The following DPP6 variants were observed in gnomAD, a reference collection of about 807,000 sequenced individuals.
DPP6 encodes the protein dipeptidyl peptidase like 6.
In DPP6, 69 loss-of-function variants were observed where a neutral mutation model predicts 122.6. That is an observed-to-expected ratio of 0.56 (90% CI 0.46 to 0.69). The LOEUF (loss-of-function observed/expected upper bound fraction) is 0.69, where lower values mean the gene tolerates loss of function less well. DPP6 is among the 30% of genes least tolerant of loss of function. DPP6 has a pLI of 0.00. For synonymous variants in DPP6, 418 were observed against 433.1 expected (o/e 0.97, Z 0.43); for missense variants, 928 against 1,116.9 (o/e 0.83, Z 2.41).
intron 22 of DPP6, among the ~76,000 whole-genome samples, chr7:154,886,777 G>T (rs192070538): frequency 1.3e-5 from 2 of 152,306 alleles, no homozygotes; most frequent in East Asian, 1.9e-4. Context: ...TGTGCTGGCC[G>T]AGCCCTGTAG....
the DPP6 span, among the ~76,000 whole-genome samples, chr7:153,845,630 T>G: frequency 2.0e-5 from 3 of 152,098 alleles, no homozygotes; most frequent in African/African-American, 2.4e-5. Context: ...TGCTTTTCAT[T>G]TATCTGTCAT....
At chr7:154,105,567 C>T (rs1223316769) in intron 1 of DPP6, among the ~76,000 whole-genome samples, 1 of 152,212 alleles carries the variant, frequency 6.6e-6, no homozygotes, top group Non-Finnish European at 1.5e-5. Context: ...CCACCCAAAT[C>T]TCATCTGAAT....
At chr7:154,163,000 C>G (rs1376556144) in intron 1 of DPP6, among the ~76,000 whole-genome samples, 2 of 148,906 alleles carry the variant, frequency 1.3e-5, no homozygotes, top group African/African-American at 5.0e-5. Context: ...GAGTGGAAGT[C>G]TACACTTGGA....
chr7:154,365,524 T>C (rs1033325254), intron 1 of DPP6, among the ~76,000 whole-genome samples: 24 of 152,316 alleles, frequency 1.6e-4, no homozygotes, highest in Admixed American at 1.4e-3. Context: ...CGTGTAACTA[T>C]GAGGTTCAGA....
chr7:154,434,778 G>T (rs1198302751), intron 1 of DPP6, among the ~76,000 whole-genome samples: 3 of 152,086 alleles, frequency 2.0e-5, no homozygotes, highest in African/African-American at 4.8e-5. Context: ...CTTGTTTGTT[G>T]TTGTTGCTTT....
chr7:154,694,255 G>T (rs572989580), intron 7 of DPP6, among the ~76,000 whole-genome samples: 4 of 152,156 alleles, frequency 2.6e-5, no homozygotes, highest in African/African-American at 9.7e-5. Flanking sequence ...CATCCCATTG[G>T]GGGTGGGATT....
chr7:154,448,266 G>C (rs1197677748), intron 2 of DPP6, among the ~76,000 whole-genome samples: 1 of 152,112 alleles, frequency 6.6e-6, no homozygotes, highest in Non-Finnish European at 1.5e-5. Context: ...AAAATCATTT[G>C]CATTTTTAGC....
Position 154,009,617 on chromosome 7 carries a change from C to T in DPP6, c.51+121883C>T, listed in dbSNP as rs552509751. Reference sequence around the variant, plus strand: ...CCACTCTTGTGTCCCTGCCATGGCTCACATTCAGTAATTAGATACCAGCTC... The same window carrying T: ...CCACTCTTGTGTCCCTGCCATGGCTTACATTCAGTAATTAGATACCAGCTC... On this transcript the variant is annotated intron_variant, in intron 1 of 25. Transcript: ENST00000404039. Among the ~76,000 whole-genome samples the T allele has an allele frequency of 2.1e-3, 326 of 152,048 alleles. 2 individuals are homozygous for T. Among genetic ancestry groups the T allele is most frequent in the African/African-American group, 7.6e-3 (316 of 41,354 alleles).
intron 23 of DPP6, 109 bp from the exon 24 acceptor site, chr7:154,889,163 A>G: frequency 1.4e-6 from 2 of 1,465,962 alleles, no homozygotes; most frequent in Non-Finnish European, 1.8e-6. Context: ...CCGGGAACTT[A>G]GTGTTTTCAA....
At chr7:154,023,724 C>G (rs1435118593) in intron 1 of DPP6, among the ~76,000 whole-genome samples, 1 of 152,070 alleles carries the variant, frequency 6.6e-6, no homozygotes, top group South Asian at 2.1e-4. Context: ...TCAGGTGATT[C>G]GCTCGCCTTG....
chr7:154,063,787 A>G (rs2150493978), intron 1 of DPP6, among the ~76,000 whole-genome samples: 1 of 151,524 alleles, frequency 6.6e-6, no homozygotes, highest in African/African-American at 2.4e-5. Flanking sequence ...CACCTGGAGG[A>G]CTGTGGATAT....
At chr7:154,233,772 CT>C (rs1314178936) in intron 1 of DPP6, among the ~76,000 whole-genome samples, 1 of 152,214 alleles carries the variant, frequency 6.6e-6, no homozygotes, top group Non-Finnish European at 1.5e-5. Context: ...GAGATGATAA[CT>C]TTTCTGTTGT....
chr7:153,797,737 T>C, the DPP6 span, among the ~76,000 whole-genome samples: 1 of 152,160 alleles, frequency 6.6e-6, no homozygotes, highest in Non-Finnish European at 1.5e-5. Context: ...TGCCAGCAGA[T>C]ATGCTTCTTG....
At chr7:154,598,776 A>G (rs979060565) in intron 5 of DPP6, among the ~76,000 whole-genome samples, 1 of 152,226 alleles carries the variant, frequency 6.6e-6, no homozygotes, top group Non-Finnish European at 1.5e-5. Flanking sequence ...GAAGTGTGCA[A>G]GGAGGCTCAG....
At chr7:154,453,560 T>C (rs1820574869) in intron 2 of DPP6, among the ~76,000 whole-genome samples, 2 of 149,988 alleles carry the variant, frequency 1.3e-5, no homozygotes, top group Non-Finnish European at 3.0e-5. Context: ...AGATATTAAA[T>C]ATATAAATAT....
intron 1 of DPP6, among the ~76,000 whole-genome samples, chr7:154,135,304 T>C (rs921613502): frequency 1.3e-5 from 2 of 151,766 alleles, no homozygotes; most frequent in African/African-American, 4.8e-5. Context: ...GAGCACACAC[T>C]TCTTATCTAT....
intron 5 of DPP6, among the ~76,000 whole-genome samples, chr7:154,581,613 T>G (rs1462959464): frequency 6.6e-6 from 1 of 152,236 alleles, no homozygotes; most frequent in East Asian, 1.9e-4. Flanking sequence ...TAGATCCAAC[T>G]TGAGTTGACA....
the DPP6 span, among the ~76,000 whole-genome samples, chr7:153,764,802 A>G: frequency 1.2e-4 from 18 of 151,064 alleles, no homozygotes; most frequent in African/African-American, 4.4e-4. Context: ...TATGAGAAAC[A>G]CCCACATTTT....
chr7:153,902,349 A>G (rs1177694155), intron 1 of DPP6, among the ~76,000 whole-genome samples: 1 of 152,198 alleles, frequency 6.6e-6, no homozygotes. Context: ...GATAGAAGGT[A>G]GTTTTGCATA....
Sources: allele counts gnomAD v4.1 joint callset (sites outside exome capture counted in the v4.1 genomes callset), GRCh38; gene constraint gnomAD v4.1.1; transcripts MANE v1.5; gene names NCBI Gene and HGNC (gene_info 2026-07-23, HGNC 2026-07-21).